CHN1: variants seen among roughly 807,000 people sequenced by gnomAD.
The protein encoded by CHN1 is chimerin 1, also known as N-chimaerin.
CHN1 carries 37 observed loss-of-function variants against 59.5 expected under a neutral mutation model. The observed-to-expected ratio is 0.62, with a 90% CI of 0.48 to 0.82. CHN1 has a LOEUF of 0.82. Among genes scored for constraint, CHN1 ranks in the 40% least tolerant of loss-of-function variants. The pLI is 0.00. For missense variants in CHN1, 469 were observed against 571.0 expected (o/e 0.82, Z 1.82); for synonymous variants, 206 against 200.4 (o/e 1.03, Z -0.24).
intron 6 of CHN1, among the ~76,000 whole-genome samples, chr2:174,861,490 T>C (rs1486480779): frequency 2.0e-5 from 3 of 152,230 alleles, no homozygotes; most frequent in African/African-American, 7.2e-5. Context: ...CGAGTGCCTG[T>C]CTGAATGATT....
chr2:174,922,691 T>C (rs1161835966), intron 3 of CHN1, among the ~76,000 whole-genome samples: 2 of 152,074 alleles, frequency 1.3e-5, no homozygotes, highest in Non-Finnish European at 1.5e-5. Context: ...GACCCTGTCA[T>C]TCATTTATTC....
At chr2:174,841,866 T>C (rs563103344) in intron 7 of CHN1, among the ~76,000 whole-genome samples, 1 of 152,272 alleles carries the variant, frequency 6.6e-6, no homozygotes, top group East Asian at 1.9e-4. Flanking sequence ...TAATATTGCA[T>C]TTACCTTCAT....
At chr2:174,839,395 A>C (rs1686209121) in intron 7 of CHN1, among the ~76,000 whole-genome samples, 2 of 152,322 alleles carry the variant, frequency 1.3e-5, no homozygotes, top group South Asian at 2.1e-4. Context: ...CCTGGAGGAC[A>C]TGATGTTAAG....
Position 174,878,091 on chromosome 2 carries a change from C to G in CHN1, c.298G>C (p.Asp100His). ...SQTRNFRLYY[D>H]GKHFVGEKRF... Reference sequence around the variant, plus strand: ...TTCTCCCCAACAAAGTGCTTGCCATCGTAGTAGAGCCTGAAGTTTCTGGTT... The same window carrying G: ...TTCTCCCCAACAAAGTGCTTGCCATGGTAGTAGAGCCTGAAGTTTCTGGTT... Residue 100 changes from aspartate (D) to histidine (H), a missense_variant, in exon 6 of 13, where the codon GAT becomes CAT. By Grantham distance (81) the Asp-to-His change is moderately conservative (BLOSUM62 -1). Transcript: ENST00000409900. The G allele has an allele frequency of 6.3e-7, 1 of 1,588,782 alleles. No homozygotes were observed. The highest frequency in any genetic ancestry group is 8.6e-7 in the Non-Finnish European group (1 of 1,164,558).
chr2:174,978,841 T>C (rs1330286925), intron 1 of CHN1, among the ~76,000 whole-genome samples: 4 of 152,216 alleles, frequency 2.6e-5, no homozygotes, highest in African/African-American at 9.6e-5. Context: ...TAAAATGTTT[T>C]CAAAATACTC....
intron 1 of CHN1, among the ~76,000 whole-genome samples, chr2:174,970,729 T>C (rs546948977): frequency 1.9e-4 from 29 of 152,200 alleles, no homozygotes; most frequent in Non-Finnish European, 3.5e-4. Context: ...AGTAAAAATG[T>C]CATTGATATG....
intron 3 of CHN1, among the ~76,000 whole-genome samples, chr2:174,933,630 G>GA (rs1225586277): frequency 6.6e-6 from 1 of 152,164 alleles, no homozygotes; most frequent in Admixed American, 6.6e-5. Flanking sequence ...ACAAAAGAAA[G>GA]CAAAGAAATT....
intron 5 of CHN1, 111 bp downstream of exon 5, chr2:174,914,947 C>G: frequency 1.7e-6 from 1 of 573,102 alleles, no homozygotes; most frequent in Non-Finnish European, 3.0e-6. Flanking sequence ...AATTAGATCC[C>G]AAGAAAACAA....
chr2:174,995,497 G>A lies in CHN1; in HGVS notation c.19+9397C>T, dbSNP rs75794642. Among the ~76,000 whole-genome samples, 211 of 152,236 alleles carry A rather than the reference G, an allele frequency of 1.4e-3. 7 individuals carry two copies. The East Asian group carries it at 0.038, about 28-fold the overall frequency. ...GGGGGCATGCAAAGGGAATGTTTTG[G>A]GATGCAACTGCTCCACCTCAGATCA... On this transcript the variant is annotated intron_variant, in intron 1 of 12. Coordinates refer to ENST00000409900, the MANE Select transcript of CHN1 (RefSeq NM_001822.7).
intron 5 of CHN1, among the ~76,000 whole-genome samples, chr2:174,895,196 GTGTA>G (rs761218085): frequency 2.9e-5 from 4 of 137,948 alleles, no homozygotes; most frequent in African/African-American, 8.2e-5. Flanking sequence ...ATGTGTGTGT[GTGTA>G]TATATATATA....
intron 5 of CHN1, among the ~76,000 whole-genome samples, chr2:174,898,065 A>G (rs1688273903): frequency 1.3e-5 from 2 of 152,144 alleles, no homozygotes; most frequent in South Asian, 4.1e-4. Flanking sequence ...TACTGGTAGG[A>G]GTGACAAATG....
intron 8 of CHN1, among the ~76,000 whole-genome samples, chr2:174,815,378 T>TA (rs1302774978): frequency 1.5e-4 from 22 of 150,992 alleles, no homozygotes; most frequent in Admixed American, 2.6e-4. Flanking sequence ...ACCCTGTCTC[T>TA]AAAAAAAAAT....
intron 1 of CHN1, among the ~76,000 whole-genome samples, chr2:174,953,803 A>C (rs967917351): frequency 2.0e-5 from 3 of 152,226 alleles, no homozygotes; most frequent in African/African-American, 7.2e-5. Context: ...TGAAACAAAC[A>C]AATGGAAACA....
chr2:174,913,882 T>C (rs1332569109), intron 5 of CHN1, among the ~76,000 whole-genome samples: 1 of 152,240 alleles, frequency 6.6e-6, no homozygotes, highest in African/African-American at 2.4e-5. Flanking sequence ...AAATTTCATA[T>C]ATTTGACCTC....
chr2:174,970,579 A>T, intron 1 of CHN1, among the ~76,000 whole-genome samples: 1 of 152,332 alleles, frequency 6.6e-6, no homozygotes, highest in Middle Eastern at 3.4e-3. Flanking sequence ...TATATTGCAT[A>T]ATGAAATGTG....
In CHN1 at chr2:174,880,840, G is replaced by A. The variant is rs186029994; in HGVS notation, c.261-2712C>T. 1.8e-4 allele frequency among the ~76,000 whole-genome samples: 27 copies of A among 152,276 alleles called. No individual in the cohort carries two copies. The East Asian group carries it at 4.4e-3, about 25-fold the overall frequency. The stretch of plus-strand genomic sequence containing the variant: ...AGGCGGGCGGATCACCTGAGGTCGG[G>A]AGTTTGAGACCAGCCTAACCAACAT... On this transcript the variant is annotated intron_variant, in intron 5 of 12. Coordinates refer to ENST00000409900, the MANE Select transcript of CHN1 (RefSeq NM_001822.7).
chr2:174,806,838 G>T (rs1699627542), intron 11 of CHN1, among the ~76,000 whole-genome samples: 1 of 152,142 alleles, frequency 6.6e-6, no homozygotes, highest in African/African-American at 2.4e-5. Context: ...ACTGCCAGAA[G>T]AGAGTGTACA....
At chr2:174,993,458 T>TA (rs1691613097) in intron 1 of CHN1, among the ~76,000 whole-genome samples, 1 of 151,934 alleles carries the variant, frequency 6.6e-6, no homozygotes, top group African/African-American at 2.4e-5. Context: ...CACAAACACC[T>TA]AAAAACTAAT....
At chr2:174,921,698 G>A (rs1364964215) in intron 3 of CHN1, among the ~76,000 whole-genome samples, 2 of 152,078 alleles carry the variant, frequency 1.3e-5, no homozygotes, top group South Asian at 2.1e-4. Flanking sequence ...AGAAGGGGAA[G>A]CAAACAGGTC....
Sources: gnomAD v4.1 joint callset for allele counts (sites outside exome capture counted in the v4.1 genomes callset) on GRCh38, gnomAD v4.1.1 for gene constraint, MANE v1.5 for transcripts, NCBI Gene and HGNC (gene_info 2026-07-23, HGNC 2026-07-21) for gene names.